Variants in PPARGC1A observed in about 807,000 individuals in gnomAD.
PPARGC1A encodes the protein peroxisome proliferator-activated receptor gamma coactivator 1-alpha.
PPARGC1A carries 25 observed loss-of-function variants against 88.7 expected under a neutral mutation model. The ratio of observed to expected loss-of-function variants is 0.28; its 90% CI spans 0.21 to 0.39. PPARGC1A has a LOEUF of 0.39. Ranked by LOEUF, PPARGC1A falls within the 10% of genes least tolerant of loss-of-function variation. The probability of loss-of-function intolerance (pLI) is 1.00; values close to 1 mark genes in which losing one functional copy is unlikely to be tolerated. For missense variants in PPARGC1A, 880 were observed against 968.7 expected (o/e 0.91, Z 1.22); for synonymous variants, 363 against 355.6 (o/e 1.02, Z -0.24).
the PPARGC1A span, among the ~76,000 whole-genome samples, chr4:24,128,464 T>TCAGTAA: frequency 6.6e-6 from 1 of 151,824 alleles, no homozygotes; most frequent in East Asian, 1.9e-4. Flanking sequence ...AAGTTGCATG[T>TCAGTAA]CAGTAACAGA....
At chr4:24,268,166 T>C in the PPARGC1A span, among the ~76,000 whole-genome samples, 1 of 152,226 alleles carries the variant, frequency 6.6e-6, no homozygotes, top group Non-Finnish European at 1.5e-5. Context: ...TCAAGCATAA[T>C]GACCCTCTAC....
chr4:23,947,398 A>ATATATACAT, the PPARGC1A span, among the ~76,000 whole-genome samples: 1 of 17,842 alleles, frequency 5.6e-5, no homozygotes, highest in African/African-American at 2.0e-4. Flanking sequence ...TATATATATA[A>ATATATACAT]AAAAAACGGT....
rs1428406064 is a variant in PPARGC1A, at chr4:23,828,580, C to T, written c.577G>A (p.Ala193Thr). The T allele has an allele frequency of 2.5e-6, 4 of 1,614,030 alleles. No individual in the cohort carries two copies. Among genetic ancestry groups the T allele is most frequent in the East Asian group, 2.2e-5 (1 of 44,876 alleles). Residue 193 changes from alanine (A) to threonine (T), a missense_variant, in exon 5 of 13, where the codon GCG (alanine) becomes ACG (threonine). Ala to Thr is a moderately conservative substitution (Grantham distance 58). Transcript: ENST00000264867. ...TTTTGCTGTTGACAAATACTCTTCG[C>T]TTTATTGCTCCATGAATTCTCAGTC... ...VKTENSWSNK[A>T]KSICQQQKPQ...
At chr4:24,167,544 G>C in the PPARGC1A span, among the ~76,000 whole-genome samples, 53,507 of 151,944 alleles carry the variant, frequency 0.35, 12,000 homozygotes, top group African/African-American at 0.63. Context: ...AGAACTCCTT[G>C]GTGAAAGGAA....
chr4:23,817,288 C>T (rs1478330734), intron 7 of PPARGC1A, among the ~76,000 whole-genome samples: 1 of 152,018 alleles, frequency 6.6e-6, no homozygotes, highest in African/African-American at 2.4e-5. Flanking sequence ...AACTGGTTCT[C>T]AAGTTGCTCT....
chr4:24,430,034 A>G, the PPARGC1A span, among the ~76,000 whole-genome samples: 4 of 152,114 alleles, frequency 2.6e-5, no homozygotes, highest in African/African-American at 9.7e-5. Context: ...CCTGATGAGG[A>G]AGATTGAGGT....
the PPARGC1A span, among the ~76,000 whole-genome samples, chr4:24,351,559 T>TAA: frequency 6.6e-6 from 1 of 151,906 alleles, no homozygotes; most frequent in African/African-American, 2.4e-5. Flanking sequence ...AGGGTGCTTA[T>TAA]AAAAAAAATC....
chr4:23,913,267 TAGAGAG>T, the PPARGC1A span, among the ~76,000 whole-genome samples: 1,202 of 77,306 alleles, frequency 0.016, 12 homozygotes, highest in Middle Eastern at 0.023. Context: ...TATATATATA[TAGAGAG>T]AGAGAGAGAG....
the PPARGC1A span, among the ~76,000 whole-genome samples, chr4:23,981,826 C>CT: frequency 4.0e-5 from 6 of 151,840 alleles, no homozygotes; most frequent in Non-Finnish European, 7.4e-5. Flanking sequence ...TTCCCTCACG[C>CT]TTTTTTTTGA....
chr4:24,238,789 G>T, the PPARGC1A span, among the ~76,000 whole-genome samples: 5 of 146,930 alleles, frequency 3.4e-5, no homozygotes, highest in Non-Finnish European at 6.0e-5. Context: ...GTGTGTGTGT[G>T]TGTGTGTAGG....
the PPARGC1A span, among the ~76,000 whole-genome samples, chr4:24,346,971 C>T: frequency 1.4e-4 from 21 of 152,196 alleles, no homozygotes; most frequent in South Asian, 3.9e-3. Context: ...CAGGTTCTAT[C>T]ATTATTGTCA....
the PPARGC1A span, among the ~76,000 whole-genome samples, chr4:23,914,947 C>A: frequency 6.6e-6 from 1 of 152,174 alleles, no homozygotes; most frequent in Non-Finnish European, 1.5e-5. Context: ...GCAATAATTT[C>A]TGAAGGAGTC....
At chr4:23,889,055 AGAGATT>A (rs1717389501) in intron 1 of PPARGC1A, 1 of 985,248 alleles carries the variant, frequency 1.0e-6, no homozygotes, top group Admixed American at 6.1e-5. Context: ...ACTAGACTCC[AGAGATT>A]ACGAGGAAAC....
the PPARGC1A span, among the ~76,000 whole-genome samples, chr4:23,952,378 T>C: frequency 1.3e-5 from 2 of 152,226 alleles, no homozygotes; most frequent in South Asian, 2.1e-4. Flanking sequence ...CTTCAGCCAA[T>C]GTGAAGCACC....
chr4:23,805,423 T>C (rs926239753), intron 10 of PPARGC1A, among the ~76,000 whole-genome samples: 1 of 152,124 alleles, frequency 6.6e-6, no homozygotes, highest in Non-Finnish European at 1.5e-5. Context: ...AACAATAGCA[T>C]TGAGACTAAA....
the PPARGC1A span, among the ~76,000 whole-genome samples, chr4:24,249,849 A>G: frequency 1.2e-4 from 19 of 152,202 alleles, no homozygotes; most frequent in African/African-American, 2.9e-4. Context: ...TAAGATTCAA[A>G]TAGTACAAAA....
At chr4:24,141,955 G>A in the PPARGC1A span, among the ~76,000 whole-genome samples, 5 of 152,254 alleles carry the variant, frequency 3.3e-5, no homozygotes, top group East Asian at 7.7e-4. Flanking sequence ...CTCAAAAACC[G>A]TGGCATCCAG....
chr4:23,832,612 CTTTTTT>C (rs570752359), intron 2 of PPARGC1A, among the ~76,000 whole-genome samples: 4 of 131,834 alleles, frequency 3.0e-5, no homozygotes, highest in South Asian at 4.7e-4. Flanking sequence ...TTTTCTTTTT[CTTTTTT>C]TTTTTTTTTG....
At chr4:24,124,580 T>C in the PPARGC1A span, among the ~76,000 whole-genome samples, 1 of 152,150 alleles carries the variant, frequency 6.6e-6, no homozygotes, top group Non-Finnish European at 1.5e-5. Context: ...AAGTGACTTG[T>C]TCTCTGGAAA....
Sources: allele counts gnomAD v4.1 joint callset (sites outside exome capture counted in the v4.1 genomes callset), GRCh38; gene constraint gnomAD v4.1.1; transcripts MANE v1.5; gene names NCBI Gene and HGNC (gene_info 2026-07-23, HGNC 2026-07-21).